The following MAGI2 variants were observed in gnomAD, a reference collection of about 807,000 sequenced individuals.
The protein encoded by MAGI2 is membrane-associated guanylate kinase, WW and PDZ domain-containing protein 2.
MAGI2 carries 35 observed loss-of-function variants against 133.3 expected under a neutral mutation model. That is an observed-to-expected ratio of 0.26 (90% confidence interval 0.20 to 0.35). The LOEUF (loss-of-function observed/expected upper bound fraction) is 0.35, where lower values mean the gene tolerates loss of function less well. MAGI2 is among the 10% of genes least tolerant of loss of function. The probability of loss-of-function intolerance (pLI) is 1.00; values close to 1 mark genes in which losing one functional copy is unlikely to be tolerated. For synonymous variants in MAGI2, 729 were observed against 710.6 expected (o/e 1.03, Z -0.41); for missense variants, 1,636 against 1,863.4 (o/e 0.88, Z 2.25).
At chr7:78,292,517 C>T (rs1315904648) in intron 9 of MAGI2, among the ~76,000 whole-genome samples, 5 of 151,982 alleles carry the variant, frequency 3.3e-5, no homozygotes, top group South Asian at 2.1e-4. Flanking sequence ...CCCAAGGTAA[C>T]TTATAGATTC....
intron 21 of MAGI2, among the ~76,000 whole-genome samples, chr7:78,056,630 CA>C (rs1812599710): frequency 6.6e-6 from 1 of 151,548 alleles, no homozygotes; most frequent in Non-Finnish European, 1.5e-5. Context: ...AACACATGGA[CA>C]AATTGAGGGG....
intron 1 of MAGI2, among the ~76,000 whole-genome samples, chr7:79,152,513 G>A (rs955072585): frequency 6.6e-6 from 1 of 152,162 alleles, no homozygotes; most frequent in Non-Finnish European, 1.5e-5. Context: ...AGTGCTATTT[G>A]GCTACAATTC....
intron 6 of MAGI2, among the ~76,000 whole-genome samples, chr7:78,379,073 T>C (rs895544787): frequency 6.6e-6 from 1 of 151,842 alleles, no homozygotes; most frequent in East Asian, 1.9e-4. Context: ...CAGGGACTTA[T>C]AGAAGTTATC....
chr7:78,134,115 C>G (rs1158074097), intron 17 of MAGI2: 2 of 152,192 alleles, frequency 1.3e-5, no homozygotes, highest in Non-Finnish European at 2.9e-5. Context: ...TCAAGACAGT[C>G]AAAAATGCCT....
intron 2 of MAGI2, among the ~76,000 whole-genome samples, chr7:78,741,036 G>A (rs1822368632): frequency 6.6e-6 from 1 of 152,042 alleles, no homozygotes; most frequent in South Asian, 2.1e-4. Flanking sequence ...AGGATTTGAA[G>A]ATAGAAAAAA....
At chr7:79,093,714 C>CTTTTTTTTTT (rs369075503) in intron 1 of MAGI2, among the ~76,000 whole-genome samples, 1 of 113,302 alleles carries the variant, frequency 8.8e-6, no homozygotes, top group African/African-American at 3.3e-5. Flanking sequence ...CTTTTCTTTT[C>CTTTTTTTTTT]TTTTTTTTTT....
chr7:78,815,875 T>A (rs548752008), intron 2 of MAGI2, among the ~76,000 whole-genome samples: 1 of 152,328 alleles, frequency 6.6e-6, no homozygotes, highest in Admixed American at 6.5e-5. Context: ...AACCTTACAA[T>A]GGCTGCAAAG....
intron 2 of MAGI2, among the ~76,000 whole-genome samples, chr7:78,957,925 A>G (rs185561829): frequency 6.6e-6 from 1 of 152,216 alleles, no homozygotes; most frequent in African/African-American, 2.4e-5. Context: ...TCTTACCCAC[A>G]CTACATGCAA....
rs144672801 is a variant in MAGI2, at chr7:78,657,603, A to C, written c.419-30364T>G. ...TGATTCCAACTATATGGTATTTGGG[A>C]AAGGCAAAAGTTTGGCGACTTTAAG... is the stretch of plus-strand genomic sequence containing the variant. On this transcript the variant is annotated intron_variant, in intron 2 of 21. Transcript: ENST00000354212. Among the ~76,000 whole-genome samples, 968 of 149,894 alleles carry C rather than the reference A, an allele frequency of 6.5e-3. 8 individuals are homozygous for C. The highest frequency in any genetic ancestry group is 0.017 in the South Asian group (78 of 4,722).
chr7:78,389,228 G>A (rs1471841292), intron 6 of MAGI2, among the ~76,000 whole-genome samples: 1 of 152,146 alleles, frequency 6.6e-6, no homozygotes, highest in African/African-American at 2.4e-5. Context: ...AGTGAGAAGC[G>A]AGAGTTGAAA....
chr7:78,208,696 T>A (rs1401895262), intron 10 of MAGI2, among the ~76,000 whole-genome samples: 1 of 101,980 alleles, frequency 9.8e-6, no homozygotes, highest in African/African-American at 5.1e-5. Context: ...TATAGCATTT[T>A]TTTTTTTTTT....
chr7:79,132,704 T>C (rs982501130), intron 1 of MAGI2, among the ~76,000 whole-genome samples: 1 of 152,136 alleles, frequency 6.6e-6, no homozygotes, highest in Non-Finnish European at 1.5e-5. Context: ...TTTAGCTCTA[T>C]GAGGTAAAAG....
intron 9 of MAGI2, among the ~76,000 whole-genome samples, chr7:78,316,796 G>T (rs1004145139): frequency 9.2e-5 from 14 of 152,172 alleles, no homozygotes; most frequent in Non-Finnish European, 1.5e-4. Context: ...AATCCTTACA[G>T]ATTTTATAAA....
chr7:79,267,982 G>A (rs1019979655), intron 1 of MAGI2, among the ~76,000 whole-genome samples: 2 of 152,128 alleles, frequency 1.3e-5, no homozygotes, highest in African/African-American at 4.8e-5. Flanking sequence ...TAGGTGTGAT[G>A]ACATTCTTCA....
intron 1 of MAGI2, among the ~76,000 whole-genome samples, chr7:79,360,318 G>A (rs1756718093): frequency 6.6e-6 from 1 of 152,086 alleles, no homozygotes; most frequent in African/African-American, 2.4e-5. Context: ...CACTGCAGCT[G>A]CAAGTTCCTC....
intron 9 of MAGI2, among the ~76,000 whole-genome samples, chr7:78,291,078 A>G (rs1311661638): frequency 2.0e-5 from 3 of 152,094 alleles, no homozygotes. Context: ...GTAAGAAATA[A>G]CTAAGAGCAG....
At chr7:78,989,146 A>G (rs1298566511) in intron 2 of MAGI2, among the ~76,000 whole-genome samples, 3 of 152,080 alleles carry the variant, frequency 2.0e-5, no homozygotes, top group Non-Finnish European at 4.4e-5. Context: ...GATTAATTAC[A>G]TCAATGCTAA....
At chr7:78,687,686 A>G (rs1240232595) in intron 2 of MAGI2, among the ~76,000 whole-genome samples, 1 of 152,104 alleles carries the variant, frequency 6.6e-6, no homozygotes, top group African/African-American at 2.4e-5. Context: ...ATGAGCTTAT[A>G]GACTGGGCGC....
At chr7:78,438,020 GTTGT>G (rs1787217347) in intron 6 of MAGI2, among the ~76,000 whole-genome samples, 1 of 152,098 alleles carries the variant, frequency 6.6e-6, no homozygotes, top group Non-Finnish European at 1.5e-5. Context: ...GTTATTAGTT[GTTGT>G]TTATGTCACA....
Sources: allele counts gnomAD v4.1 joint callset (sites outside exome capture counted in the v4.1 genomes callset), GRCh38; gene constraint gnomAD v4.1.1; transcripts MANE v1.5; gene names NCBI Gene and HGNC (gene_info 2026-07-23, HGNC 2026-07-21).